PKHD1: variants seen among roughly 807,000 people sequenced by gnomAD.
PKHD1 encodes PKHD1 ciliary IPT domain containing fibrocystin/polyductin, also known as fibrocystin.
A neutral mutation model predicts 412.0 loss-of-function variants in PKHD1; 291 were observed. The ratio of observed to expected loss-of-function variants is 0.71; its 90% CI spans 0.64 to 0.78. PKHD1 has a LOEUF of 0.78. Ranked by LOEUF, PKHD1 falls within the 30% of genes least tolerant of loss-of-function variation. The probability of loss-of-function intolerance (pLI) is 0.00; values close to 1 mark genes in which losing one functional copy is unlikely to be tolerated. For missense variants in PKHD1, 4,825 were observed against 4,950.7 expected (o/e 0.97, Z 0.76); for synonymous variants, 1,777 against 1,821.5 (o/e 0.98, Z 0.62).
chr6:51,637,089 C>T (rs746235894), intron 64 of PKHD1, among the ~76,000 whole-genome samples: 24 of 152,192 alleles, frequency 1.6e-4, no homozygotes, highest in Non-Finnish European at 3.1e-4. Context: ...CAAGAAGTTT[C>T]TGTCTACAAT....
At chr6:52,036,837 G>GA (rs1402708006) in intron 27 of PKHD1, among the ~76,000 whole-genome samples, 1 of 152,086 alleles carries the variant, frequency 6.6e-6, no homozygotes, top group Admixed American at 6.5e-5. Flanking sequence ...TAAATGGATC[G>GA]AAAGAGTGAA....
At chr6:52,067,768 G>A (rs1328603745) in intron 11 of PKHD1, among the ~76,000 whole-genome samples, 3 of 152,166 alleles carry the variant, frequency 2.0e-5, no homozygotes, top group African/African-American at 7.2e-5. Context: ...GAGTATGAGA[G>A]ACAGAGATAA....
intron 35 of PKHD1, among the ~76,000 whole-genome samples, chr6:51,999,032 G>C (rs999498167): frequency 6.6e-6 from 1 of 152,134 alleles, no homozygotes; most frequent in African/African-American, 2.4e-5. Flanking sequence ...AATTCAAGAA[G>C]ACAGTAACTA....
intron 60 of PKHD1, among the ~76,000 whole-genome samples, chr6:51,685,246 C>T (rs1412178679): frequency 1.3e-5 from 2 of 151,988 alleles, no homozygotes; most frequent in African/African-American, 4.8e-5. Context: ...TCATTTTATA[C>T]CCCAAAACTT....
Position 52,082,484 on chromosome 6 carries a change from C to A in PKHD1, c.189G>T (p.Val63=). The change falls in exon 4 of 67, where the codon GTG becomes GTT. Residue 63 remains valine, a synonymous_variant. Coordinates refer to ENST00000371117, the MANE Select transcript of PKHD1 (RefSeq NM_138694.4). ...GTGCGGGCACCACCATGTTCACGTT[C>A]ACCAGGTGTATCTCCAATTGAGAGC... ...NNGSQLEIHL[V]NVNMVVPALR... 1 of 1,613,912 alleles carries A rather than the reference C, an allele frequency of 6.2e-7. No homozygotes were observed. Among genetic ancestry groups the A allele is most frequent in the Non-Finnish European group, 8.5e-7 (1 of 1,179,778 alleles).
At chr6:51,720,645 T>C (rs939133234) in intron 60 of PKHD1, among the ~76,000 whole-genome samples, 1 of 152,272 alleles carries the variant, frequency 6.6e-6, no homozygotes, top group South Asian at 2.1e-4. Flanking sequence ...GATGCACTTA[T>C]AGCACTCCTA....
chr6:51,635,820 G>A (rs1442054547), intron 64 of PKHD1, among the ~76,000 whole-genome samples: 2 of 136,582 alleles, frequency 1.5e-5, no homozygotes, highest in Admixed American at 8.3e-5. Context: ...GGCAACCACA[G>A]GTAGAGTTTC....
chr6:52,047,237 C>T (rs973200255), intron 23 of PKHD1, among the ~76,000 whole-genome samples: 1 of 152,132 alleles, frequency 6.6e-6, no homozygotes, highest in African/African-American at 2.4e-5. Context: ...AGTAATGAGC[C>T]TCATAGAGGC....
At chr6:51,619,909 T>C (rs866136477) in intron 66 of PKHD1, among the ~76,000 whole-genome samples, 14 of 152,180 alleles carry the variant, frequency 9.2e-5, no homozygotes, top group South Asian at 2.1e-4. Context: ...TAAAAACCAG[T>C]CCTATCTAAT....
chr6:52,086,417 T>A (rs913556792), intron 1 of PKHD1, among the ~76,000 whole-genome samples: 2 of 152,084 alleles, frequency 1.3e-5, no homozygotes, highest in African/African-American at 4.8e-5. Flanking sequence ...GGCCATTTAA[T>A]TTATATTTTT....
chr6:51,736,997 C>T (rs1171508334), intron 60 of PKHD1, among the ~76,000 whole-genome samples: 2 of 152,196 alleles, frequency 1.3e-5, no homozygotes, highest in African/African-American at 4.8e-5. Context: ...AGTGGGCTGA[C>T]AGTCAAATGC....
rs371846890 is a variant in PKHD1 at position 52,025,204 on chromosome 6, C to T, written c.4606G>A (p.Val1536Ile). Residue 1536 changes from valine to isoleucine, a missense_variant, in exon 32 of 67, where the codon GTT becomes ATT. Physicochemically the swap from Val to Ile is conservative, Grantham distance 29. Transcript: ENST00000371117. The stretch of plus-strand genomic sequence containing the variant: ...GCCAAGTCTCTTGTCTGGCACACAA[C>T]GTGGCTTGCATTAAAAAAAGTTACA... Reference protein sequence around the residue: ...CNVTFFNASHVVCQTRDLAPG... With the variant: ...CNVTFFNASHIVCQTRDLAPG... 35 of 1,614,036 alleles carry T rather than the reference C, an allele frequency of 2.2e-5. No individual in the cohort carries two copies. The highest frequency in any genetic ancestry group is 1.3e-4 in the East Asian group (6 of 44,894).
chr6:51,887,198 C>G lies in PKHD1; in HGVS notation c.7044G>C (p.Met2348Ile). The G allele has an allele frequency of 6.2e-7, 1 of 1,613,576 alleles. No homozygotes were observed. Among genetic ancestry groups the G allele is most frequent in the Non-Finnish European group, 8.5e-7 (1 of 1,179,548 alleles). ...GAGYGYFFHLMTNQTSQAPLL... is the reference protein window; with the variant it reads ...GAGYGYFFHLITNQTSQAPLL... ...GCGGAGCTTGTGATGTTTGGTTGGT[C>G]ATGAGATGGAAAAAGTAGCCATAGC... is the stretch of plus-strand genomic sequence containing the variant. Residue 2348 changes from methionine to isoleucine, a missense_variant, in exon 44 of 67, where the codon ATG (methionine) becomes ATC (isoleucine). By Grantham distance (10) the Met-to-Ile change is conservative (BLOSUM62 1). Transcript: ENST00000371117.
intron 28 of PKHD1, among the ~76,000 whole-genome samples, chr6:52,034,641 T>C (rs1803647323): frequency 6.6e-6 from 1 of 152,184 alleles, no homozygotes. Context: ...CTTTAGAATT[T>C]ATATTAATTT....
intron 36 of PKHD1, among the ~76,000 whole-genome samples, chr6:51,956,122 C>A (rs1451782398): frequency 6.6e-6 from 1 of 151,990 alleles, no homozygotes; most frequent in Admixed American, 6.6e-5. Context: ...TAGTTCTTCA[C>A]CAGTGAAGAC....
chr6:51,873,214 G>A (rs1776279399), intron 46 of PKHD1, among the ~76,000 whole-genome samples: 1 of 152,062 alleles, frequency 6.6e-6, no homozygotes, highest in Admixed American at 6.5e-5. Context: ...AATGCTTATA[G>A]CATTATTATT....
Position 51,679,114 on chromosome 6 carries a change from G to A in PKHD1, c.10157-19145C>T, listed in dbSNP as rs75945118. ...GAAGCCCCGGACACAATAAATCTGC[G>A]CCATATGTGACCATTTCCTGTGTCA... On this transcript the variant is annotated intron_variant, in intron 60 of 66. Transcript: ENST00000371117. Among the ~76,000 whole-genome samples the A allele has an allele frequency of 5.3e-4, 81 of 152,134 alleles. No homozygotes were observed. The East Asian group carries it at 0.014, about 25-fold the overall frequency.
chr6:51,747,390 T>C (rs752775355), intron 58 of PKHD1, among the ~76,000 whole-genome samples: 3 of 152,148 alleles, frequency 2.0e-5, no homozygotes, highest in Non-Finnish European at 4.4e-5. Flanking sequence ...CCAAGAGAGT[T>C]CTTATGTAAT....
intron 29 of PKHD1, 144 bp downstream of exon 29, chr6:52,032,886 T>C: frequency 4.0e-6 from 3 of 744,750 alleles, no homozygotes; most frequent in Admixed American, 1.9e-5. Context: ...GATTCGATGA[T>C]GGCTAAGATG....
Sources: gnomAD v4.1 joint callset for allele counts (sites outside exome capture counted in the v4.1 genomes callset) on GRCh38, gnomAD v4.1.1 for gene constraint, MANE v1.5 for transcripts, NCBI Gene and HGNC (gene_info 2026-07-23, HGNC 2026-07-21) for gene names.